Variants in ATP13A3 observed in about 807,000 individuals in gnomAD.
ATP13A3 encodes the protein polyamine-transporting ATPase 13A3.
A neutral mutation model predicts 158.1 loss-of-function variants in ATP13A3; 59 were observed. That is an observed-to-expected ratio of 0.37 (90% CI 0.30 to 0.46). The LOEUF (loss-of-function observed/expected upper bound fraction) is 0.46. Ranked by LOEUF, ATP13A3 falls within the 20% of genes least tolerant of loss-of-function variation. The probability of loss-of-function intolerance (pLI) is 1.00; values close to 1 mark genes in which losing one functional copy is unlikely to be tolerated. For synonymous variants in ATP13A3, 491 were observed against 504.3 expected (o/e 0.97, Z 0.35); for missense variants, 1,166 against 1,525.2 (o/e 0.76, Z 3.92).
At position 194,414,457 on chromosome 3, in the gene ATP13A3, C is replaced by CT. The variant is rs528169051; in HGVS notation, c.3403-619dup. Among the ~76,000 whole-genome samples, 135 of 123,906 alleles carry CT rather than the reference C, an allele frequency of 1.1e-3. 1 individual carries two copies. Among genetic ancestry groups the CT allele is most frequent in the Middle Eastern group, 7.7e-3 (2 of 260 alleles). 81.3% of individuals were successfully genotyped at this position (123,906 alleles called of 152,430 possible). ...CAGCGTGGGTGACAGAAGAACCTGC[C>CT]TTAAAAAAAAAAAAAAAGAGGTACC... On this transcript the variant is annotated intron_variant, in intron 31 of 33. Coordinates refer to ENST00000645319, the MANE Select transcript of ATP13A3 (RefSeq NM_001367549.1).
chr3:194,441,248 G>T (rs927115088), intron 16 of ATP13A3, 63 bp downstream of exon 16: 1 of 1,326,868 alleles, frequency 7.5e-7, no homozygotes, highest in Non-Finnish European at 1.1e-6. Flanking sequence ...CCTTGTATGA[G>T]GTAATTTAAT....
At chr3:194,442,110 T>C (rs1192554732) in intron 15 of ATP13A3, among the ~76,000 whole-genome samples, 5 of 152,240 alleles carry the variant, frequency 3.3e-5, no homozygotes, top group East Asian at 1.9e-4. Flanking sequence ...AGAGCAAGGA[T>C]TGAAACACAG....
intron 31 of ATP13A3, among the ~76,000 whole-genome samples, chr3:194,416,406 C>T (rs956582698): frequency 5.3e-5 from 8 of 151,666 alleles, no homozygotes; most frequent in African/African-American, 9.7e-5. Flanking sequence ...TGCAGTGAGC[C>T]GAGATCATGC....
intron 2 of ATP13A3, among the ~76,000 whole-genome samples, chr3:194,477,407 T>C (rs1316949): frequency 0.38 from 57,843 of 152,082 alleles, 15,510 homozygotes; most frequent in African/African-American, 0.77. Context: ...CTTCTTTTTG[T>C]GGGCAAAATT....
At chr3:194,421,801 A>C (rs139573836) in intron 30 of ATP13A3, among the ~76,000 whole-genome samples, 22 of 152,202 alleles carry the variant, frequency 1.4e-4, no homozygotes, top group African/African-American at 5.1e-4. Context: ...GTCAGAACAT[A>C]AATGGCAGAG....
intron 2 of ATP13A3, chr3:194,471,807 G>T (rs1234815942): frequency 3.3e-5 from 5 of 152,218 alleles, no homozygotes; most frequent in African/African-American, 1.2e-4. Context: ...AGATTCAGTG[G>T]CTGGCTTTGT....
Position 194,437,086 on chromosome 3 carries a change from C to G in ATP13A3, c.2120+9G>C, listed in dbSNP as rs1351031808. ...TGACTGGGAAACTAGGAAAGCCGTTCAACCTCACCTGCTAATATTCTGTAC... is the reference window on the plus strand; with the variant it reads ...TGACTGGGAAACTAGGAAAGCCGTTGAACCTCACCTGCTAATATTCTGTAC... On this transcript the variant is annotated intron_variant, in intron 20 of 33. Transcript: ENST00000645319. The G allele has an allele frequency of 6.2e-7, 1 of 1,612,340 alleles. No homozygotes were observed. Among genetic ancestry groups the G allele is most frequent in the African/African-American group, 1.3e-5 (1 of 74,828 alleles).
chr3:194,492,643 A>C (rs1347259770), intron 2 of ATP13A3, among the ~76,000 whole-genome samples: 1 of 151,894 alleles, frequency 6.6e-6, no homozygotes, highest in Admixed American at 6.6e-5. Context: ...TTTAGTAGAG[A>C]CAGGGTTTCA....
At chr3:194,472,158 G>A (rs1720336080) in intron 2 of ATP13A3, 1 of 154,460 alleles carries the variant, frequency 6.5e-6, no homozygotes, top group East Asian at 1.9e-4. Context: ...GCCCAATGAC[G>A]ACATTAACTC....
At chr3:194,467,062 T>C (rs1720037038) in intron 2 of ATP13A3, among the ~76,000 whole-genome samples, 1 of 152,216 alleles carries the variant, frequency 6.6e-6, no homozygotes. Context: ...CACCCTTGTC[T>C]TTCATCAATT....
chr3:194,477,491 A>G (rs1299752402), intron 2 of ATP13A3, among the ~76,000 whole-genome samples: 1 of 152,026 alleles, frequency 6.6e-6, no homozygotes, highest in African/African-American at 2.4e-5. Context: ...CTCTCCCAAT[A>G]TCCTGTGTTC....
intron 15 of ATP13A3, 145 bp downstream of exon 15, chr3:194,444,580 G>A (rs1184668615): frequency 2.2e-5 from 13 of 590,656 alleles, no homozygotes; most frequent in South Asian, 1.9e-4. Flanking sequence ...TAAAGGAAGC[G>A]ATCTGAAGCA....
chr3:194,445,211 C>T (rs1346404926), intron 14 of ATP13A3, among the ~76,000 whole-genome samples: 1 of 152,104 alleles, frequency 6.6e-6, no homozygotes, highest in Non-Finnish European at 1.5e-5. Flanking sequence ...GCCAAATCCA[C>T]AAGGTAAATG....
intron 2 of ATP13A3, among the ~76,000 whole-genome samples, chr3:194,478,814 T>C (rs1356213640): frequency 6.6e-6 from 1 of 152,212 alleles, no homozygotes; most frequent in African/African-American, 2.4e-5. Flanking sequence ...AGTGTTTACC[T>C]GCTGGACTGT....
intron 2 of ATP13A3, among the ~76,000 whole-genome samples, chr3:194,475,646 T>G (rs551075238): frequency 3.3e-5 from 5 of 152,110 alleles, no homozygotes; most frequent in Non-Finnish European, 1.5e-5. Context: ...AGCACAACCA[T>G]CATAAAAATG....
Position 194,418,790 on chromosome 3 carries a change from C to T in ATP13A3, c.3402+1089G>A, listed in dbSNP as rs535247838. ...AGAATACAGCAGAGGAAACTTTTGTCCCTAATGGTTTGCCAAGGGTAGTAG... is the reference window on the plus strand; with the variant it reads ...AGAATACAGCAGAGGAAACTTTTGTTCCTAATGGTTTGCCAAGGGTAGTAG... On this transcript the variant is annotated intron_variant, in intron 31 of 33. Transcript: ENST00000645319. Among the ~76,000 whole-genome samples, 8 of 152,270 alleles carry T rather than the reference C, an allele frequency of 5.3e-5. No individual in the cohort carries two copies. In the South Asian group the frequency reaches 1.7e-3, roughly 32 times the overall value.
chr3:194,475,251 T>C (rs1027123428), intron 2 of ATP13A3, among the ~76,000 whole-genome samples: 20 of 152,244 alleles, frequency 1.3e-4, no homozygotes, highest in African/African-American at 4.8e-4. Context: ...TACTTCTGTA[T>C]GGTTCACTTC....
At position 194,437,296 on chromosome 3, in the gene ATP13A3, T is replaced by C. The variant is rs574819097; in HGVS notation, c.1999+15A>G. The C allele has an allele frequency of 6.8e-6, 11 of 1,614,220 alleles. No homozygotes were observed. In the African/African-American group the frequency reaches 1.2e-4, roughly 18 times the overall value. The stretch of plus-strand genomic sequence containing the variant: ...AAATACCAGAATTGTACCCAAAGCA[T>C]AGATATTTCCTTACCTGTTTCAGGT... On this transcript the variant is annotated intron_variant, in intron 19 of 33. Transcript: ENST00000645319.
intron 31 of ATP13A3, among the ~76,000 whole-genome samples, chr3:194,418,693 A>ATGAT (rs1480935737): frequency 6.6e-6 from 1 of 152,252 alleles, no homozygotes; most frequent in Non-Finnish European, 1.5e-5. Flanking sequence ...ACACTGATGG[A>ATGAT]TGATTGATAC....
Sources: gnomAD v4.1 joint callset for allele counts (sites outside exome capture counted in the v4.1 genomes callset) on GRCh38, gnomAD v4.1.1 for gene constraint, MANE v1.5 for transcripts, NCBI Gene and HGNC (gene_info 2026-07-23, HGNC 2026-07-21) for gene names.